Variants in USP37 observed in about 807,000 individuals in gnomAD.
USP37 encodes the protein ubiquitin specific peptidase 37, also known as ubiquitin carboxyl-terminal hydrolase 37.
Under a neutral mutation model 124.0 loss-of-function variants are expected in USP37, and 27 were observed. The ratio of observed to expected loss-of-function variants is 0.22; its 90% CI spans 0.16 to 0.30. The LOEUF (loss-of-function observed/expected upper bound fraction) is 0.30. Ranked by LOEUF, USP37 falls within the 10% of genes least tolerant of loss-of-function variation. The probability of loss-of-function intolerance (pLI) is 1.00; values close to 1 mark genes in which losing one functional copy is unlikely to be tolerated. For missense variants in USP37, 889 were observed against 1,140.4 expected, an observed-to-expected ratio of 0.78 and a Z score of 3.17; for synonymous variants, 365 against 388.0, an observed-to-expected ratio of 0.94 and a Z score of 0.70.
In USP37 at chr2:218,497,824, G is replaced by T. The variant is rs144757879; in HGVS notation, c.1191C>A (p.Ile397=). The change falls in exon 13 of 26, where the codon ATC becomes ATA. Residue 397 remains isoleucine (I), a synonymous_variant. Coordinates refer to ENST00000258399, the MANE Select transcript of USP37 (RefSeq NM_020935.3). ...RFAHLLVKKD[I]CNSETKKDLL... is the part of the protein sequence containing the mutation. The stretch of plus-strand genomic sequence containing the variant: ...AATCCTTTTTGGTCTCTGAATTACA[G>T]ATATCTTTTTTAACAAGCAAGTGTG... 7.8e-4 allele frequency: 1,253 copies of T among 1,613,984 alleles called. 2 individuals are homozygous for T. The highest frequency in any genetic ancestry group is 1.0e-3 in the Non-Finnish European group (1,196 of 1,180,004).
chr2:218,507,185 G>A (rs1410441002), intron 11 of USP37, among the ~76,000 whole-genome samples: 1 of 150,722 alleles, frequency 6.6e-6, no homozygotes, highest in Non-Finnish European at 1.5e-5. Context: ...TTTTTGAGAT[G>A]GAGTCTCACA....
chr2:218,486,666 G>A (rs1431282392), intron 15 of USP37, among the ~76,000 whole-genome samples: 2 of 90,520 alleles, frequency 2.2e-5, no homozygotes, highest in Non-Finnish European at 4.4e-5. Context: ...CAGGTGATTG[G>A]CCTCCCTTGG....
Position 218,558,656 on chromosome 2 carries a change from T to C in USP37, c.-3A>G. ...CCATGTATCTTCAGAGGAGACATAT[T>C]TTCTTTAAAAATTGCTTCTGGCTAA... On this transcript the variant is annotated 5_prime_UTR_variant, in exon 4 of 26. Transcript: ENST00000258399. 1 of 1,587,560 alleles carries C rather than the reference T, an allele frequency of 6.3e-7. No homozygotes were observed. Among genetic ancestry groups the C allele is most frequent in the Non-Finnish European group, 8.6e-7 (1 of 1,168,228 alleles).
intron 17 of USP37, among the ~76,000 whole-genome samples, chr2:218,480,418 AAAAAAAT>A (rs1356571140): frequency 6.6e-6 from 1 of 151,524 alleles, no homozygotes; most frequent in Non-Finnish European, 1.5e-5. Flanking sequence ...AAAAAAAAAA[AAAAAAAT>A]ACTAGCAATA....
At chr2:218,488,012 C>T (rs574040912) in intron 15 of USP37, among the ~76,000 whole-genome samples, 2 of 151,142 alleles carry the variant, frequency 1.3e-5, no homozygotes, top group East Asian at 2.0e-4. Context: ...GATGAAACCA[C>T]GACTCTACCA....
rs1394026983 is a variant in USP37, at chr2:218,559,586, T to C, written c.-24-909A>G. ...CAAAGAACCACCTACCATTTATATT[T>C]AAACTACCATTCCTAGAAAGAATCT... On this transcript the variant is annotated intron_variant, in intron 3 of 25. Coordinates refer to ENST00000258399, the MANE Select transcript of USP37 (RefSeq NM_020935.3). Among the ~76,000 whole-genome samples the C allele has an allele frequency of 2.6e-5, 4 of 152,212 alleles. No homozygotes were observed. In the East Asian group the frequency reaches 7.7e-4, roughly 29 times the overall value.
intron 1 of USP37, among the ~76,000 whole-genome samples, chr2:218,565,980 C>A (rs115561727): frequency 6.6e-6 from 1 of 151,954 alleles, no homozygotes; most frequent in African/African-American, 2.4e-5. Flanking sequence ...ATTTAGGGGG[C>A]GGAGGTTGCA....
At chr2:218,470,715 GTACACAC>G (rs2106415326) in intron 20 of USP37, among the ~76,000 whole-genome samples, 1 of 152,206 alleles carries the variant, frequency 6.6e-6, no homozygotes, top group South Asian at 2.1e-4. Flanking sequence ...CTGAGTCTTT[GTACACAC>G]TATTCCTTCT....
chr2:218,545,767 A>G (rs921126419), intron 8 of USP37, among the ~76,000 whole-genome samples: 1 of 152,210 alleles, frequency 6.6e-6, no homozygotes, highest in Non-Finnish European at 1.5e-5. Context: ...TGTTCAACCC[A>G]GAAAACATCT....
Position 218,523,468 on chromosome 2 carries a change from T to C in USP37, c.863+6488A>G, listed in dbSNP as rs1165243896. Among the ~76,000 whole-genome samples the C allele has an allele frequency of 2.6e-5, 4 of 152,240 alleles. No individual in the cohort carries two copies. The East Asian group carries it at 7.7e-4, about 29-fold the overall frequency. On this transcript the variant is annotated intron_variant, in intron 10 of 25. Transcript: ENST00000258399. Reference sequence around the variant, plus strand: ...TTTTGGATTAGGAATACTTAATCTGTTTTCTGTTACAGTTTACATTTTATT... The same window carrying C: ...TTTTGGATTAGGAATACTTAATCTGCTTTCTGTTACAGTTTACATTTTATT...
At chr2:218,565,166 G>A (rs73077130) in intron 1 of USP37, among the ~76,000 whole-genome samples, 2,903 of 152,202 alleles carry the variant, frequency 0.019, 98 homozygotes, top group African/African-American at 0.066. Flanking sequence ...CAAGCGATCC[G>A]CCCACCTTGG....
intron 8 of USP37, among the ~76,000 whole-genome samples, chr2:218,545,929 C>T (rs1183360007): frequency 1.3e-5 from 2 of 152,052 alleles, no homozygotes; most frequent in East Asian, 3.8e-4. Flanking sequence ...AAACAGCAGC[C>T]AGCAAGAAAC....
chr2:218,516,245 T>C (rs1690271332), intron 10 of USP37, among the ~76,000 whole-genome samples: 1 of 152,184 alleles, frequency 6.6e-6, no homozygotes, highest in Admixed American at 6.6e-5. Context: ...CACATAAGTT[T>C]ATTGCAGCAC....
intron 8 of USP37, among the ~76,000 whole-genome samples, chr2:218,545,542 G>A (rs1692273781): frequency 6.6e-6 from 1 of 152,140 alleles, no homozygotes; most frequent in Non-Finnish European, 1.5e-5. Flanking sequence ...AATACATAAA[G>A]TTTCTTTGGC....
intron 20 of USP37, among the ~76,000 whole-genome samples, chr2:218,472,312 T>C (rs1690738675): frequency 6.6e-6 from 1 of 152,142 alleles, no homozygotes; most frequent in Admixed American, 6.6e-5. Context: ...AGAGTATGCA[T>C]ACTGGTAGCC....
At chr2:218,536,217 C>T (rs1380520343) in intron 8 of USP37, among the ~76,000 whole-genome samples, 1 of 152,074 alleles carries the variant, frequency 6.6e-6, no homozygotes, top group Non-Finnish European at 1.5e-5. Flanking sequence ...AATACCTCAA[C>T]CCATATAAGT....
intron 20 of USP37, among the ~76,000 whole-genome samples, chr2:218,467,200 C>T (rs1458604035): frequency 1.3e-5 from 2 of 150,372 alleles, no homozygotes; most frequent in Admixed American, 1.3e-4. Flanking sequence ...CCTCCCCCTG[C>T]CCAGGCTGGA....
chr2:218,539,787 G>A (rs750956862), intron 8 of USP37, among the ~76,000 whole-genome samples: 1 of 152,010 alleles, frequency 6.6e-6, no homozygotes, highest in African/African-American at 2.4e-5. Flanking sequence ...CGAGGTAGGC[G>A]GATCACGATG....
chr2:218,507,281 C>T (rs1428188862), intron 11 of USP37, among the ~76,000 whole-genome samples: 1 of 151,970 alleles, frequency 6.6e-6, no homozygotes, highest in Non-Finnish European at 1.5e-5. Context: ...CCTCTGCCTC[C>T]CAAGTAGCTG....
Sources: gnomAD v4.1 joint callset for allele counts (sites outside exome capture counted in the v4.1 genomes callset) on GRCh38, gnomAD v4.1.1 for gene constraint, MANE v1.5 for transcripts, NCBI Gene and HGNC (gene_info 2026-07-23, HGNC 2026-07-21) for gene names.